The following DST variants were observed in gnomAD, a reference collection of about 807,000 sequenced individuals.
The protein encoded by DST is bullous pemphigoid antigen.
In DST, 253 loss-of-function variants were observed where a neutral mutation model predicts 875.2. That is an observed-to-expected ratio of 0.29 (90% CI 0.26 to 0.32). DST has a LOEUF of 0.32. Ranked by LOEUF, DST falls within the 10% of genes least tolerant of loss-of-function variation. The probability of loss-of-function intolerance (pLI) is 1.00; values close to 1 mark genes in which losing one functional copy is unlikely to be tolerated. For missense variants in DST, 8,287 were observed against 9,111.6 expected, an observed-to-expected ratio of 0.91 and a Z score of 3.68; for synonymous variants, 3,124 against 3,197.1, an observed-to-expected ratio of 0.98 and a Z score of 0.77.
chr6:56,758,615 G>T (rs539491624), intron 4 of DST, among the ~76,000 whole-genome samples: 7 of 152,318 alleles, frequency 4.6e-5, no homozygotes, highest in Admixed American at 4.6e-4. Context: ...CTTGACCACT[G>T]GGGACTGGAA....
chr6:56,728,566 C>T (rs1340324863), intron 5 of DST, among the ~76,000 whole-genome samples: 4 of 152,072 alleles, frequency 2.6e-5, no homozygotes, highest in Non-Finnish European at 5.9e-5. Flanking sequence ...ATCCCAGCTG[C>T]TCAGGAGGCT....
intron 3 of DST, among the ~76,000 whole-genome samples, chr6:56,852,985 T>G (rs958859310): frequency 6.6e-6 from 1 of 152,236 alleles, no homozygotes; most frequent in African/African-American, 2.4e-5. Flanking sequence ...CCTCAATCTG[T>G]TTAGGCCTGT....
At chr6:56,949,399 C>T (rs756653764) in intron 2 of DST, among the ~76,000 whole-genome samples, 4 of 152,204 alleles carry the variant, frequency 2.6e-5, no homozygotes, top group Admixed American at 1.3e-4. Flanking sequence ...CACTTTTACA[C>T]AGCAGCCTCC....
intron 49 of DST, among the ~76,000 whole-genome samples, chr6:56,584,257 C>G (rs2098093738): frequency 6.6e-6 from 1 of 151,792 alleles, no homozygotes; most frequent in Admixed American, 6.6e-5. Flanking sequence ...TTTGTATCCT[C>G]TTTTATTTCA....
At chr6:56,817,868 T>A (rs954815682) in intron 4 of DST, among the ~76,000 whole-genome samples, 6 of 152,192 alleles carry the variant, frequency 3.9e-5, no homozygotes, top group African/African-American at 1.2e-4. Context: ...AATGGGACTT[T>A]GCAAATACGA....
chr6:56,680,512 C>T (rs1563643505), intron 9 of DST, among the ~76,000 whole-genome samples: 1 of 152,174 alleles, frequency 6.6e-6, no homozygotes, highest in Non-Finnish European at 1.5e-5. Context: ...TGGAGAAGAG[C>T]TCAAGGGTTG....
intron 2 of DST, among the ~76,000 whole-genome samples, chr6:56,934,560 T>TTTTTATATATA (rs869186436): frequency 1.9e-5 from 2 of 106,486 alleles, no homozygotes; most frequent in African/African-American, 7.0e-5. Context: ...ATATATTATA[T>TTTTTATATATA]TATATATATA....
intron 2 of DST, among the ~76,000 whole-genome samples, chr6:56,911,733 C>A (rs537109491): frequency 2.0e-5 from 3 of 152,270 alleles, no homozygotes; most frequent in Admixed American, 6.5e-5. Flanking sequence ...GGGGAAAAGA[C>A]TAAACAAAGA....
chr6:56,879,469 TC>T (rs1219334459), intron 3 of DST, among the ~76,000 whole-genome samples: 1 of 136,434 alleles, frequency 7.3e-6, no homozygotes, highest in African/African-American at 3.1e-5. Context: ...AGACTTCGTC[TC>T]GGAAAAAAAA....
At chr6:56,905,020 C>T (rs1403829746) in intron 2 of DST, among the ~76,000 whole-genome samples, 1 of 152,168 alleles carries the variant, frequency 6.6e-6, no homozygotes, top group Non-Finnish European at 1.5e-5. Context: ...GATCTCCTGA[C>T]CTCATGATCT....
intron 102 of DST, 123 bp from the exon 103 acceptor site, chr6:56,460,377 G>T: frequency 4.2e-6 from 4 of 943,108 alleles, no homozygotes; most frequent in Non-Finnish European, 6.2e-6. Context: ...GGTGAAGGGG[G>T]AGAAACTCTT....
intron 88 of DST, 198 bp downstream of exon 88, chr6:56,485,114 A>G: frequency 1.8e-6 from 1 of 542,254 alleles, no homozygotes; most frequent in Non-Finnish European, 3.1e-6. Context: ...TTTCACTGAC[A>G]CTAAATAATA....
intron 3 of DST, among the ~76,000 whole-genome samples, chr6:56,873,215 T>C (rs935653873): frequency 2.6e-5 from 4 of 152,360 alleles, no homozygotes; most frequent in Middle Eastern, 3.4e-3. Context: ...TCTTGAGTTG[T>C]TTGAGTTCCT....
chr6:56,941,246 A>G (rs537998114), intron 2 of DST, among the ~76,000 whole-genome samples: 2 of 152,064 alleles, frequency 1.3e-5, no homozygotes, highest in Non-Finnish European at 2.9e-5. Context: ...CTGTGTTTTC[A>G]TTATCATTTA....
At chr6:56,559,883 C>T (rs1435431303) in intron 58 of DST, among the ~76,000 whole-genome samples, 1 of 151,550 alleles carries the variant, frequency 6.6e-6, no homozygotes, top group Non-Finnish European at 1.5e-5. Context: ...AGGAGGGGTC[C>T]CAGAAGTAAC....
intron 55 of DST, among the ~76,000 whole-genome samples, chr6:56,563,030 A>C (rs1162808846): frequency 6.6e-6 from 1 of 152,126 alleles, no homozygotes; most frequent in African/African-American, 2.4e-5. Flanking sequence ...GCTATTGTGA[A>C]TAGTGCTGCG....
chr6:56,762,257 G>A (rs2099618987), intron 4 of DST, among the ~76,000 whole-genome samples: 1 of 152,130 alleles, frequency 6.6e-6, no homozygotes, highest in South Asian at 2.1e-4. Context: ...CCGGACCTCA[G>A]GTGATCCACC....
intron 4 of DST, among the ~76,000 whole-genome samples, chr6:56,832,538 T>C (rs1246642485): frequency 3.3e-5 from 5 of 151,988 alleles, no homozygotes; most frequent in Non-Finnish European, 4.4e-5. Context: ...CTCTTTATTT[T>C]GTAAATTGCC....
rs368721751 is a variant in DST, at chr6:56,546,628, C to T, written c.16608+5556G>A. On this transcript the variant is annotated intron_variant, in intron 61 of 103. Transcript: ENST00000680361. ...GTTGTATCCAGTTCTTGAGCAGCTC[C>T]AGACACTTTTCACTTAAAATCGTAG... Among the ~76,000 whole-genome samples the T allele has an allele frequency of 5.5e-4, 84 of 151,948 alleles. 2 individuals carry two copies. Among genetic ancestry groups the T allele is most frequent in the African/African-American group, 1.9e-3 (78 of 41,476 alleles).
Sources: allele counts gnomAD v4.1 joint callset (sites outside exome capture counted in the v4.1 genomes callset), GRCh38; gene constraint gnomAD v4.1.1; transcripts MANE v1.5; gene names NCBI Gene and HGNC (gene_info 2026-07-23, HGNC 2026-07-21).